RBFOX3: variants seen among roughly 807,000 people sequenced by gnomAD.
RBFOX3 encodes the protein RNA binding protein fox-1 homolog 3.
In RBFOX3, 17 loss-of-function variants were observed where a neutral mutation model predicts 48.7. The ratio of observed to expected loss-of-function variants is 0.35; its 90% CI spans 0.24 to 0.52. The LOEUF is 0.52. Ranked by LOEUF, RBFOX3 falls within the 20% of genes least tolerant of loss-of-function variation. The pLI, the probability that RBFOX3 is intolerant of heterozygous loss-of-function variation, is 0.94. For missense variants in RBFOX3, 382 were observed against 497.5 expected, an observed-to-expected ratio of 0.77 and a Z score of 2.21; for synonymous variants, 212 against 209.5, an observed-to-expected ratio of 1.01 and a Z score of -0.10.
chr17:79,262,475 CG>C (rs2065946472), intron 3 of RBFOX3, among the ~76,000 whole-genome samples: 2 of 152,242 alleles, frequency 1.3e-5, no homozygotes. Context: ...GAAGAACAAT[CG>C]ATGGGTAGAT....
intron 2 of RBFOX3, among the ~76,000 whole-genome samples, chr17:79,401,960 G>C (rs948143369): frequency 6.6e-6 from 1 of 152,250 alleles, no homozygotes; most frequent in Non-Finnish European, 1.5e-5. Flanking sequence ...CACAGGAACC[G>C]CATACGGCTC....
the RBFOX3 span, among the ~76,000 whole-genome samples, chr17:79,657,245 T>C: frequency 6.6e-6 from 1 of 152,186 alleles, no homozygotes; most frequent in Admixed American, 6.5e-5. Context: ...CAGTGGCCTG[T>C]CCTACCAGCT....
chr17:79,191,399 C>T (rs780913800), intron 4 of RBFOX3, among the ~76,000 whole-genome samples: 4 of 152,332 alleles, frequency 2.6e-5, no homozygotes, highest in South Asian at 4.1e-4. Context: ...AAAAAGCAAC[C>T]GCAAGGCCTC....
chr17:79,447,507 G>A (rs562208526), intron 2 of RBFOX3, among the ~76,000 whole-genome samples: 5 of 152,278 alleles, frequency 3.3e-5, no homozygotes, highest in East Asian at 3.9e-4. Flanking sequence ...ACGGTGATAC[G>A]GTGCACAGTC....
chr17:79,570,060 AG>A (rs2092614777), intron 1 of RBFOX3, among the ~76,000 whole-genome samples: 1 of 150,132 alleles, frequency 6.7e-6, no homozygotes, highest in Non-Finnish European at 1.5e-5. Context: ...GTGAATGGGC[AG>A]ATGGATAGTA....
rs2078919730 is a variant in RBFOX3, at chr17:79,482,583, G to C, written c.-304C>G. ...CCACAGGAAGACTGTTAGCTTCTCA[G>C]AGGCAGAATTTCAACCTGCAGGGGG... On this transcript the variant is annotated 5_prime_UTR_variant, in exon 2 of 15. Coordinates refer to ENST00000693108, the MANE Select transcript of RBFOX3 (RefSeq NM_001350451.2). The surrounding 1 kb of genome is among the most constrained non-coding windows in gnomAD (Gnocchi z 4.1). 6.6e-6 allele frequency: 1 copy of C among 152,216 alleles called. No individual in the cohort carries two copies. Among genetic ancestry groups the C allele is most frequent in the Non-Finnish European group, 1.5e-5 (1 of 68,020 alleles). The allele number at this position is 152,216 out of a possible 1,614,324, so 9.4% of individuals were successfully genotyped here. A position where few individuals can be genotyped will look rare whatever the true frequency, so the allele number is the denominator to read the frequency against.
At chr17:79,122,815 C>G (rs1399569262) in intron 4 of RBFOX3, among the ~76,000 whole-genome samples, 1 of 151,822 alleles carries the variant, frequency 6.6e-6, no homozygotes, top group Middle Eastern at 3.2e-3. Flanking sequence ...TGTCCATCAA[C>G]AGATGAATGG....
rs117786676 is a variant in RBFOX3 at position 79,316,564 on chromosome 17, A to G, written c.-174-8740T>C. 5.3e-3 allele frequency among the ~76,000 whole-genome samples: 810 copies of G among 152,332 alleles called. 7 individuals carry two copies. The highest frequency in any genetic ancestry group is 8.3e-3 in the Non-Finnish European group (567 of 68,018). On this transcript the variant is annotated intron_variant, in intron 2 of 14. Transcript: ENST00000693108. ...AGAAAGGGAAGGGAGGTCTTGAGCA[A>G]AATGAGGAGCCTGGGCCACACAGCC...
At chr17:79,178,120 C>A (rs58897650) in intron 4 of RBFOX3, among the ~76,000 whole-genome samples, 24,963 of 152,196 alleles carry the variant, frequency 0.16, 3,938 homozygotes, top group African/African-American at 0.41. Flanking sequence ...CTCCTACGGG[C>A]TCCTTCCCCG....
intron 1 of RBFOX3, among the ~76,000 whole-genome samples, chr17:79,570,971 G>A (rs1489116973): frequency 6.6e-6 from 1 of 152,178 alleles, no homozygotes; most frequent in African/African-American, 2.4e-5. Context: ...GGGGCCCCCG[G>A]GAGAAAAGAA....
intron 2 of RBFOX3, among the ~76,000 whole-genome samples, chr17:79,358,568 C>T (rs1049664820): frequency 9.9e-5 from 15 of 152,182 alleles, no homozygotes; most frequent in Non-Finnish European, 2.9e-5. Flanking sequence ...TCAAGCAATT[C>T]CATTGCCTCA....
At position 79,220,825 on chromosome 17, in the gene RBFOX3, A is replaced by C. The variant is rs954154097; in HGVS notation, c.-34+14941T>G. ...GGGAGGGAGGAGAAGCAGCTCCTGCAGAGGCGGGGCGGCTCTCCAGGCCTG... is the reference window on the plus strand; with the variant it reads ...GGGAGGGAGGAGAAGCAGCTCCTGCCGAGGCGGGGCGGCTCTCCAGGCCTG... On this transcript the variant is annotated intron_variant, in intron 4 of 14. Coordinates refer to ENST00000693108, the MANE Select transcript of RBFOX3 (RefSeq NM_001350451.2). This position sits in a 1 kb window ranked among gnomAD's most constrained non-coding sequence, Gnocchi z 5.9. Among the ~76,000 whole-genome samples, 5 of 152,252 alleles carry C rather than the reference A, an allele frequency of 3.3e-5. No individual in the cohort carries two copies. The South Asian group carries it at 6.2e-4, about 19-fold the overall frequency.
In RBFOX3 at chr17:79,174,669, TCACA is replaced by T. The variant is rs368061179; in HGVS notation, c.-33-58925_-33-58922del. Among the ~76,000 whole-genome samples the T allele has an allele frequency of 2.8e-5, 4 of 144,456 alleles. No homozygotes were observed. In the South Asian group the frequency reaches 6.7e-4, roughly 24 times the overall value. The allele number at this position is 144,456 out of a possible 152,430, so 94.8% of individuals were successfully genotyped here. A position where few individuals can be genotyped will look rare whatever the true frequency, so the allele number is the denominator to read the frequency against. On this transcript the variant is annotated intron_variant, in intron 4 of 14. Transcript: ENST00000693108. ...ACACACACCCAATGCACACAACCAC[TCACA>T]CACAATGCACACTCACATGCACTTG...
intron 1 of RBFOX3, among the ~76,000 whole-genome samples, chr17:79,603,049 G>A (rs967161098): frequency 0.016 from 2,320 of 149,464 alleles, 69 homozygotes; most frequent in African/African-American, 0.055. Context: ...GGAGTGCAGC[G>A]GTATGATCTT....
At chr17:79,458,954 G>A (rs2074997405) in intron 2 of RBFOX3, among the ~76,000 whole-genome samples, 1 of 152,170 alleles carries the variant, frequency 6.6e-6, no homozygotes, top group South Asian at 2.1e-4. Context: ...AGGAAGCTGG[G>A]GCACCTGCCT....
intron 4 of RBFOX3, among the ~76,000 whole-genome samples, chr17:79,216,319 G>A (rs1484918873): frequency 1.3e-5 from 2 of 152,246 alleles, no homozygotes; most frequent in Non-Finnish European, 2.9e-5. Context: ...CAGGGTCCAT[G>A]TGAGGAAGTG....
intron 1 of RBFOX3, among the ~76,000 whole-genome samples, chr17:79,495,094 G>A (rs1350583528): frequency 2.6e-5 from 4 of 152,112 alleles, no homozygotes; most frequent in Admixed American, 6.5e-5. Flanking sequence ...GTTGTGCCCC[G>A]TTAAGGGTCG....
intron 4 of RBFOX3, among the ~76,000 whole-genome samples, chr17:79,126,434 T>C (rs1457590180): frequency 6.6e-6 from 1 of 152,048 alleles, no homozygotes; most frequent in Admixed American, 6.5e-5. Flanking sequence ...AATCTGGTGT[T>C]GGAAGGGGAG....
chr17:79,637,531 T>C, the RBFOX3 span, among the ~76,000 whole-genome samples: 5 of 151,706 alleles, frequency 3.3e-5, no homozygotes, highest in African/African-American at 1.2e-4. Flanking sequence ...CCGTTTCTAT[T>C]AAAAATACAA....
Sources: gnomAD v4.1 joint callset for allele counts (sites outside exome capture counted in the v4.1 genomes callset) on GRCh38, gnomAD v4.1.1 for gene constraint, Gnocchi (gnomAD v3.1) non-coding constraint, MANE v1.5 for transcripts, NCBI Gene and HGNC (gene_info 2026-07-23, HGNC 2026-07-21) for gene names.